Variants in RTN4 observed in about 807,000 individuals in gnomAD.
RTN4 encodes the protein reticulon 4, also known as reticulon-4.
Under a neutral mutation model 90.4 loss-of-function variants are expected in RTN4, and 32 were observed. The observed-to-expected ratio is 0.35, with a 90% CI of 0.27 to 0.48. The LOEUF (loss-of-function observed/expected upper bound fraction) is 0.48. RTN4 is among the 20% of genes least tolerant of loss of function. The probability of loss-of-function intolerance (pLI) is 0.99; values close to 1 mark genes in which losing one functional copy is unlikely to be tolerated. For synonymous variants in RTN4, 629 were observed against 552.5 expected, an observed-to-expected ratio of 1.14 and a Z score of -1.94; for missense variants, 1,706 against 1,430.2, an observed-to-expected ratio of 1.19 and a Z score of -3.11.
chr2:55,080,938 A>G (rs1411483552), intron 1 of RTN4, among the ~76,000 whole-genome samples: 1 of 152,256 alleles, frequency 6.6e-6, no homozygotes, highest in East Asian at 1.9e-4. Flanking sequence ...TGGACTTAAA[A>G]AGGAAAAAAA....
intron 3 of RTN4, among the ~76,000 whole-genome samples, chr2:55,015,080 G>A (rs1680934028): frequency 1.3e-5 from 2 of 152,172 alleles, no homozygotes; most frequent in African/African-American, 4.8e-5. Context: ...CTGTCCAACT[G>A]AATTTATTCC....
chr2:54,992,673 T>A (rs942820338), intron 3 of RTN4, among the ~76,000 whole-genome samples: 8 of 151,302 alleles, frequency 5.3e-5, no homozygotes, highest in African/African-American at 1.9e-4. Context: ...GTGTAGCCAT[T>A]AAAAAAAAGT....
In RTN4 at chr2:54,972,836, G is replaced by GCCAAGATGCGGCAAGACTATCT. The variant is rs532713390; in HGVS notation, c.*298_*319dup. On this transcript the variant is annotated 3_prime_UTR_variant, in exon 9 of 9. Coordinates refer to ENST00000337526, the MANE Select transcript of RTN4 (RefSeq NM_020532.5). Reference sequence around the variant, plus strand: ...TCTAGCTCCACCATCTCTGCAACTTGCCAAGATGCGGCAAGACTATCTGCA... The same window carrying GCCAAGATGCGGCAAGACTATCT: ...TCTAGCTCCACCATCTCTGCAACTTGCCAAGATGCGGCAAGACTATCTCCAAGATGCGGCAAGACTATCTGCA... 1.4e-3 allele frequency: 293 copies of GCCAAGATGCGGCAAGACTATCT among 208,486 alleles called. 2 individuals carry two copies. The highest frequency in any genetic ancestry group is 1.9e-3 in the Non-Finnish European group (205 of 109,648). The allele number at this position is 208,486 out of a possible 1,614,324, so 12.9% of individuals were successfully genotyped here.
At chr2:54,979,258 A>G (rs184549546) in intron 5 of RTN4, among the ~76,000 whole-genome samples, 97 of 151,688 alleles carry the variant, frequency 6.4e-4, no homozygotes, top group African/African-American at 7.5e-4. Flanking sequence ...CAGTCTCACA[A>G]TGTTGCCTAG....
chr2:54,996,196 AATT>A (rs1679413860), intron 3 of RTN4, among the ~76,000 whole-genome samples: 1 of 152,242 alleles, frequency 6.6e-6, no homozygotes, highest in South Asian at 2.1e-4. Context: ...TGTCGAAAGA[AATT>A]AAAGATGACT....
chr2:55,130,310 C>A, the RTN4 span, among the ~76,000 whole-genome samples: 1 of 152,174 alleles, frequency 6.6e-6, no homozygotes, highest in Admixed American at 6.5e-5. Context: ...CTAAACCATA[C>A]ATTTCTATAG....
At chr2:55,083,041 T>C (rs1668751425) in intron 1 of RTN4, among the ~76,000 whole-genome samples, 1 of 152,208 alleles carries the variant, frequency 6.6e-6, no homozygotes, top group South Asian at 2.1e-4. Context: ...CATTATATAT[T>C]TTAAATAACA....
At chr2:54,975,640 C>T (rs548971381) in intron 5 of RTN4, among the ~76,000 whole-genome samples, 2 of 152,318 alleles carry the variant, frequency 1.3e-5, no homozygotes, top group African/African-American at 4.8e-5. Flanking sequence ...CAAAAACAGG[C>T]CGTGGCCCAA....
chr2:54,975,414 T>C (rs910040330), intron 5 of RTN4, among the ~76,000 whole-genome samples: 3 of 152,176 alleles, frequency 2.0e-5, no homozygotes, highest in Non-Finnish European at 4.4e-5. Context: ...CCAGCTACAG[T>C]GATTATTTAG....
intron 3 of RTN4, among the ~76,000 whole-genome samples, chr2:54,995,874 G>C (rs1177530652): frequency 6.6e-6 from 1 of 152,102 alleles, no homozygotes; most frequent in Non-Finnish European, 1.5e-5. Flanking sequence ...GCCCCAGCAA[G>C]GAATTGTTTT....
intron 3 of RTN4, among the ~76,000 whole-genome samples, chr2:55,012,630 C>G (rs1558802811): frequency 6.6e-6 from 1 of 152,068 alleles, no homozygotes; most frequent in African/African-American, 2.4e-5. Context: ...AGGACATTGC[C>G]TGACAAAAAG....
intron 1 of RTN4, among the ~76,000 whole-genome samples, chr2:55,083,244 C>T (rs1008465982): frequency 1.3e-5 from 2 of 152,092 alleles, no homozygotes; most frequent in African/African-American, 4.8e-5. Flanking sequence ...GCCTGTAATC[C>T]CTGCACTTTG....
At chr2:55,124,718 A>C in the RTN4 span, among the ~76,000 whole-genome samples, 2 of 152,238 alleles carry the variant, frequency 1.3e-5, no homozygotes, top group African/African-American at 4.8e-5. Flanking sequence ...AACTATTTTA[A>C]AATTTATATG....
intron 3 of RTN4, among the ~76,000 whole-genome samples, chr2:55,002,056 T>TATTC (rs1679889140): frequency 6.6e-6 from 1 of 151,882 alleles, no homozygotes; most frequent in Admixed American, 6.6e-5. Context: ...TTATTTTATT[T>TATTC]ATTTATTTAT....
At chr2:55,037,090 A>G (rs755797258) in intron 1 of RTN4, among the ~76,000 whole-genome samples, 2 of 152,250 alleles carry the variant, frequency 1.3e-5, no homozygotes, top group Non-Finnish European at 2.9e-5. Flanking sequence ...ATTTCCATAC[A>G]GTAGCAACAA....
intron 1 of RTN4, among the ~76,000 whole-genome samples, chr2:55,081,467 T>G (rs1668716381): frequency 1.3e-5 from 2 of 152,204 alleles, no homozygotes; most frequent in Non-Finnish European, 1.5e-5. Flanking sequence ...ACAGCATTAT[T>G]CATACCTAAA....
At chr2:55,010,667 G>A (rs1023898491) in intron 3 of RTN4, among the ~76,000 whole-genome samples, 1 of 152,168 alleles carries the variant, frequency 6.6e-6, no homozygotes, top group Admixed American at 6.5e-5. Context: ...GTGAAATGAT[G>A]AGTCTCCTTA....
In RTN4 at chr2:55,027,460, T is replaced by C; in HGVS notation, c.639A>G (p.Pro213=). ...SAENMDLKEQ[P]GNTISAGQED... is the part of the protein sequence containing the mutation. Reference sequence around the variant, plus strand: ...CTTGACCAGCCGAAATAGTGTTACCTGGCTGCTCCTTCAAGTCCATATTTT... The same window carrying C: ...CTTGACCAGCCGAAATAGTGTTACCCGGCTGCTCCTTCAAGTCCATATTTT... The change falls in exon 3 of 9, where the codon CCA becomes CCG. Residue 213 remains proline, a synonymous_variant. Transcript: ENST00000337526. The C allele has an allele frequency of 6.2e-7, 1 of 1,609,308 alleles. No individual in the cohort carries two copies. The highest frequency in any genetic ancestry group is 1.7e-5 in the Admixed American group (1 of 59,068).
At chr2:55,131,918 ATTTC>A in the RTN4 span, among the ~76,000 whole-genome samples, 1 of 152,148 alleles carries the variant, frequency 6.6e-6, no homozygotes, top group South Asian at 2.1e-4. Context: ...ATTATTACAT[ATTTC>A]TTTTTTTATT....
Sources: allele counts gnomAD v4.1 joint callset (sites outside exome capture counted in the v4.1 genomes callset), GRCh38; gene constraint gnomAD v4.1.1; transcripts MANE v1.5; gene names NCBI Gene and HGNC (gene_info 2026-07-23, HGNC 2026-07-21).